The following TNPO1 variants were observed in gnomAD, a reference collection of about 807,000 sequenced individuals.
TNPO1 encodes transportin 1.
A neutral mutation model predicts 119.5 loss-of-function variants in TNPO1; 8 were observed. The ratio of observed to expected loss-of-function variants is 0.07; its 90% confidence interval spans 0.04 to 0.12. The LOEUF is 0.12. Ranked by LOEUF, TNPO1 falls within the 10% of genes least tolerant of loss-of-function variation. The pLI, the probability that TNPO1 is intolerant of heterozygous loss-of-function variation, is 1.00. For missense variants in TNPO1, 576 were observed against 1,089.8 expected (o/e 0.53, Z 6.64); for synonymous variants, 362 against 363.0 (o/e 1.00, Z 0.03).
intron 4 of TNPO1, 94 bp from the exon 5 acceptor site, chr5:72,861,713 AT>A: frequency 1.1e-6 from 1 of 876,916 alleles, no homozygotes; most frequent in Non-Finnish European, 1.8e-6. Flanking sequence ...AAATGTTATT[AT>A]TTACATAAAA....
intron 1 of TNPO1, among the ~76,000 whole-genome samples, chr5:72,847,024 ATGG>A (rs1214414106): frequency 2.0e-5 from 3 of 152,158 alleles, no homozygotes; most frequent in Non-Finnish European, 2.9e-5. Flanking sequence ...TTATGTCCAG[ATGG>A]TGGTGATTTT....
chr5:72,870,379 C>T (rs1035233108), intron 6 of TNPO1, among the ~76,000 whole-genome samples: 1 of 152,140 alleles, frequency 6.6e-6, no homozygotes, highest in Non-Finnish European at 1.5e-5. Context: ...CCAGCCTGGT[C>T]TCCAACTCCT....
chr5:72,879,084 G>A (rs181420128), intron 9 of TNPO1: 47 of 229,754 alleles, frequency 2.0e-4, no homozygotes, highest in Middle Eastern at 1.9e-3. Flanking sequence ...CACCTCATGC[G>A]TCAACATCTT....
At chr5:72,844,298 A>G (rs892453214) in intron 1 of TNPO1, among the ~76,000 whole-genome samples, 17 of 152,226 alleles carry the variant, frequency 1.1e-4, no homozygotes, top group Non-Finnish European at 1.6e-4. Context: ...ATCCAGTATC[A>G]ATCATAGTGC....
chr5:72,896,588 G>A, intron 19 of TNPO1, 32 bp downstream of exon 19: 1 of 1,569,766 alleles, frequency 6.4e-7, no homozygotes, highest in Non-Finnish European at 8.7e-7. Flanking sequence ...AAAAGCATAA[G>A]GCCTGGCGCG....
chr5:72,865,863 TAATTGA>T lies in TNPO1; in HGVS notation c.596+141_596+146del, dbSNP rs1209729484. ...GATGTTCCAGAGAGGTGAACTTATG[TAATTGA>T]AATTGACTACTTCAGTAACAAAACC... On this transcript the variant is annotated intron_variant, in intron 6 of 24. Transcript: ENST00000337273. 3 of 955,304 alleles carry T rather than the reference TAATTGA, an allele frequency of 3.1e-6. No individual in the cohort carries two copies. The African/African-American group carries it at 5.1e-5, about 16-fold the overall frequency. 59.2% of individuals were successfully genotyped at this position (955,304 alleles called of 1,614,324 possible).
chr5:72,880,193 CAGA>C (rs1452451226), intron 9 of TNPO1, among the ~76,000 whole-genome samples: 1 of 151,316 alleles, frequency 6.6e-6, no homozygotes, highest in Non-Finnish European at 1.5e-5. Flanking sequence ...GACCCTTTCT[CAGA>C]AAAAAAAAGC....
At chr5:72,878,762 A>G (rs1748011044) in intron 9 of TNPO1, 1 of 267,828 alleles carries the variant, frequency 3.7e-6, no homozygotes, top group Non-Finnish European at 7.3e-6. Context: ...CTGTGGGGTC[A>G]TATAATTTTA....
chr5:72,887,717 C>T (rs965518733), intron 12 of TNPO1, among the ~76,000 whole-genome samples: 1 of 151,904 alleles, frequency 6.6e-6, no homozygotes, highest in African/African-American at 2.4e-5. Flanking sequence ...ATTAAGGGAA[C>T]AGAATGAAAG....
intron 22 of TNPO1, among the ~76,000 whole-genome samples, chr5:72,903,213 A>G (rs921765935): frequency 1.3e-5 from 2 of 152,060 alleles, no homozygotes; most frequent in South Asian, 4.1e-4. Flanking sequence ...TTTTTCTTCA[A>G]TTTTTTGGTT....
At chr5:72,848,148 C>A in intron 1 of TNPO1, 4 of 1,203,686 alleles carry the variant, frequency 3.3e-6, no homozygotes, top group Non-Finnish European at 4.1e-6. Context: ...TCCTTGCGCT[C>A]GGCGGCCGCG....
intron 6 of TNPO1, among the ~76,000 whole-genome samples, chr5:72,868,288 C>A (rs1237987690): frequency 6.6e-6 from 1 of 151,776 alleles, no homozygotes; most frequent in Non-Finnish European, 1.5e-5. Context: ...AAAAATTAGC[C>A]GGGCATGGTG....
At chr5:72,891,788 T>C in intron 14 of TNPO1, 22 bp from the exon 15 acceptor site, 1 of 1,531,250 alleles carries the variant, frequency 6.5e-7, no homozygotes, top group Non-Finnish European at 8.9e-7. Flanking sequence ...GAATTTTATA[T>C]GTTTTTCATC....
chr5:72,894,391 G>A (rs1245458565), intron 18 of TNPO1, among the ~76,000 whole-genome samples: 2 of 151,422 alleles, frequency 1.3e-5, no homozygotes, highest in Admixed American at 1.3e-4. Context: ...TTTTAATACA[G>A]CCGGGCACGG....
At chr5:72,859,280 A>T (rs1746249714) in intron 4 of TNPO1, among the ~76,000 whole-genome samples, 1 of 152,154 alleles carries the variant, frequency 6.6e-6, no homozygotes, top group Non-Finnish European at 1.5e-5. Flanking sequence ...TGTGCACTAC[A>T]GGATGTTAAT....
At chr5:72,896,977 G>T in intron 19 of TNPO1, 79 bp from the exon 20 acceptor site, 1 of 759,576 alleles carries the variant, frequency 1.3e-6, no homozygotes, top group South Asian at 3.0e-5. Flanking sequence ...AGTTAATACG[G>T]GAAGCAAAAT....
rs1580458359 is a variant in TNPO1, at chr5:72,887,438, T to G, written c.1303+216T>G. The stretch of plus-strand genomic sequence containing the variant: ...GGCATGGTGGCTCACGCCTATAATC[T>G]CAGCACTTTGGGAGGCTTAGGCGGG... On this transcript the variant is annotated intron_variant, in intron 12 of 24. Coordinates refer to ENST00000337273, the MANE Select transcript of TNPO1 (RefSeq NM_002270.4). 2.0e-5 allele frequency among the ~76,000 whole-genome samples: 3 copies of G among 152,250 alleles called. No homozygotes were observed. The East Asian group carries it at 5.8e-4, about 29-fold the overall frequency.
Position 72,877,324 on chromosome 5 carries a change from G to A in TNPO1, c.898G>A (p.Val300Ile), listed in dbSNP as rs1465810615. 4.4e-6 allele frequency: 7 copies of A among 1,605,940 alleles called. No homozygotes were observed. Among genetic ancestry groups the A allele is most frequent in the Non-Finnish European group, 6.0e-6 (7 of 1,173,792 alleles). The change falls in exon 9 of 25, where the codon GTA becomes ATA. Residue 300 changes from valine to isoleucine, a missense_variant. Physicochemically the swap from Val to Ile is conservative, Grantham distance 29. Around this residue, in one of 6 missense-constraint regions of TNPO1, gnomAD observed 310 missense variants for 583.0 expected, o/e 0.53. Coordinates refer to ENST00000337273, the MANE Select transcript of TNPO1 (RefSeq NM_002270.4). The stretch of plus-strand genomic sequence containing the variant: ...AGCTGAACAGCCAATATGCAAAGAT[G>A]TACTCGTAAGGCATCTTCCTAAGTA... ...TLAEQPICKD[V>I]LVRHLPKLIP...
intron 4 of TNPO1, among the ~76,000 whole-genome samples, chr5:72,858,792 G>A (rs527785741): frequency 5.1e-4 from 77 of 151,728 alleles, no homozygotes; most frequent in Admixed American, 1.7e-3. Context: ...AGCCAGGATC[G>A]CGCCATTGCA....
Sources: gnomAD v4.1 joint callset for allele counts (sites outside exome capture counted in the v4.1 genomes callset) on GRCh38, gnomAD v4.1.1 for gene constraint, gnomAD v4.1.1 regional missense constraint, MANE v1.5 for transcripts, NCBI Gene and HGNC (gene_info 2026-07-23, HGNC 2026-07-21) for gene names.